The following RPS6KB2 variants were observed in gnomAD, a reference collection of about 807,000 sequenced individuals.
RPS6KB2 encodes the protein ribosomal protein S6 kinase B2, also known as ribosomal protein S6 kinase beta-2.
RPS6KB2 carries 51 observed loss-of-function variants against 58.2 expected under a neutral mutation model. The observed-to-expected ratio is 0.88, with a 90% CI of 0.70 to 1.11. The LOEUF is 1.11. Among genes scored for constraint, RPS6KB2 ranks in the 50% least tolerant of loss-of-function variants. The probability of loss-of-function intolerance (pLI) is 0.00; values close to 1 mark genes in which losing one functional copy is unlikely to be tolerated. For synonymous variants in RPS6KB2, 293 were observed against 258.6 expected, an observed-to-expected ratio of 1.13 and a Z score of -1.28; for missense variants, 671 against 655.8, an observed-to-expected ratio of 1.02 and a Z score of -0.25.
At position 67,434,528 on chromosome 11, in the gene RPS6KB2, G is replaced by A. The variant is rs752831127; in HGVS notation, c.1155+44G>A. Reference sequence around the variant, plus strand: ...GGCCTGTGGGACCAGGGCACGGATCGTGACTAAGGATGGCAGGCACTGAGT... The same window carrying A: ...GGCCTGTGGGACCAGGGCACGGATCATGACTAAGGATGGCAGGCACTGAGT... On this transcript the variant is annotated intron_variant, in intron 13 of 14. Coordinates refer to ENST00000312629, the MANE Select transcript of RPS6KB2 (RefSeq NM_003952.3). The A allele has an allele frequency of 1.5e-5, 24 of 1,600,212 alleles. No individual in the cohort carries two copies. In the East Asian group the frequency reaches 1.8e-4, roughly 12 times the overall value.
intron 11 of RPS6KB2, 44 bp from the exon 12 acceptor site, chr11:67,434,154 G>A (rs1864157530): frequency 6.2e-7 from 1 of 1,612,446 alleles, no homozygotes; most frequent in East Asian, 2.2e-5. Context: ...CGGGGGGCAA[G>A]CAGGGTGAGC....
rs762687497 is a variant in RPS6KB2 at position 67,434,427 on chromosome 11, G to T, written c.1098G>T (p.Thr366=). The part of the protein sequence containing the change: ...SQFDTRFTRQ[T]PVDSPDDTAL... ...TTGATACCCGCTTCACACGGCAGAC[G>T]CCGGTGGACAGTCCTGATGACACAG... The change falls in exon 13 of 15, where the codon ACG becomes ACT. Residue 366 remains threonine, a synonymous_variant. Coordinates refer to ENST00000312629, the MANE Select transcript of RPS6KB2 (RefSeq NM_003952.3). 1 of 1,613,104 alleles carries T rather than the reference G, an allele frequency of 6.2e-7. No homozygotes were observed. Among genetic ancestry groups the T allele is most frequent in the South Asian group, 1.1e-5 (1 of 91,090 alleles).
Position 67,433,031 on chromosome 11 carries a change from C to G in RPS6KB2, c.696C>G (p.Thr232=), listed in dbSNP as rs368735920. The G allele has an allele frequency of 1.1e-5, 17 of 1,613,332 alleles. No individual in the cohort carries two copies. In the African/African-American group the frequency reaches 2.0e-4, roughly 19 times the overall value. The stretch of plus-strand genomic sequence containing the variant: ...CCGTCACTCACACCTTCTGCGGCAC[C>G]ATTGAGTACATGTAAGTGGCACCTG... ...EGAVTHTFCG[T]IEYMAPEILV... The change falls in exon 8 of 15, where the codon ACC becomes ACG. Residue 232 remains threonine (T), a synonymous_variant. Transcript: ENST00000312629.
chr11:67,433,257 G>A (rs925452646), intron 9 of RPS6KB2, 41 bp downstream of exon 9: 5 of 1,605,702 alleles, frequency 3.1e-6, no homozygotes, highest in South Asian at 2.2e-5. Context: ...CAGGGGCAGA[G>A]GTGGGAGTAG....
At chr11:67,429,695 C>T in intron 4 of RPS6KB2, 100 bp downstream of exon 4, 1 of 988,514 alleles carries the variant, frequency 1.0e-6, no homozygotes, top group Non-Finnish European at 1.6e-6. Context: ...GGAGGAGGAT[C>T]CCTGACTTTG....
intron 1 of RPS6KB2, 78 bp from the exon 2 acceptor site, chr11:67,428,904 G>A: frequency 6.4e-7 from 1 of 1,555,902 alleles, no homozygotes; most frequent in Non-Finnish European, 8.9e-7. Context: ...TCTCTCCTGG[G>A]CCACGCAGTC....
chr11:67,433,281 G>A (rs1864107329), intron 9 of RPS6KB2, 59 bp from the exon 10 acceptor site: 4 of 1,605,598 alleles, frequency 2.5e-6, no homozygotes, highest in Non-Finnish European at 2.6e-6. Flanking sequence ...CCCTCCTGGG[G>A]CAAGGGCAGG....
chr11:67,434,841 C>G (rs1864210415), intron 14 of RPS6KB2, 147 bp downstream of exon 14: 2 of 997,662 alleles, frequency 2.0e-6, no homozygotes, highest in African/African-American at 3.2e-5. Context: ...TTCCTACACC[C>G]CTTGTGGCCA....
chr11:67,431,974 GT>G (rs1864036598), intron 5 of RPS6KB2: 1 of 271,736 alleles, frequency 3.7e-6, no homozygotes, highest in Non-Finnish European at 7.2e-6. Context: ...CTGCTTTCTA[GT>G]GTCTCCTCTG....
intron 5 of RPS6KB2, chr11:67,432,364 T>C: frequency 1.5e-6 from 1 of 686,558 alleles, no homozygotes. Flanking sequence ...AGACTGAGCG[T>C]CCTGAGGGCA....
intron 3 of RPS6KB2, 89 bp downstream of exon 3, chr11:67,429,329 G>C: frequency 6.5e-7 from 1 of 1,549,820 alleles, no homozygotes; most frequent in South Asian, 1.1e-5. Flanking sequence ...TTGTGAATCA[G>C]CAGGGCCTCT....
chr11:67,433,605 G>C (rs1333005047), intron 10 of RPS6KB2, among the ~76,000 whole-genome samples, 158 bp downstream of exon 10: 4 of 152,348 alleles, frequency 2.6e-5, no homozygotes, highest in African/African-American at 9.6e-5. Flanking sequence ...ATTGAGCCCA[G>C]GTCTCAGCCC....
At chr11:67,429,796 A>G (rs1863964849) in intron 4 of RPS6KB2, 1 of 581,284 alleles carries the variant, frequency 1.7e-6, no homozygotes, top group Non-Finnish European at 3.1e-6. Flanking sequence ...ACATTTGACA[A>G]CAGTGTCTGG....
In RPS6KB2 at chr11:67,428,988, T is replaced by G; in HGVS notation, c.85T>G (p.Cys29Gly). 1 of 1,613,762 alleles carries G rather than the reference T, an allele frequency of 6.2e-7. No individual in the cohort carries two copies. The highest frequency in any genetic ancestry group is 2.2e-5 in the East Asian group (1 of 44,838). Reference sequence around the variant, plus strand: ...ACCCCTCGGTTTCTCACAGGACGCATGTCCCCTTGCCGAGTTGAGGGCAGC... The same window carrying G: ...ACCCCTCGGTTTCTCACAGGACGCAGGTCCCCTTGCCGAGTTGAGGGCAGC... The part of the protein sequence containing the change: ...GEPELSPADA[C>G]PLAELRAAGL... The change falls in exon 2 of 15, where the codon TGT (cysteine) becomes GGT (glycine). Residue 29 changes from cysteine (C) to glycine (G), a missense_variant. By Grantham distance (159) the Cys-to-Gly change is radical. Coordinates refer to ENST00000312629, the MANE Select transcript of RPS6KB2 (RefSeq NM_003952.3).
intron 10 of RPS6KB2, among the ~76,000 whole-genome samples, chr11:67,433,695 A>G (rs1242726953): frequency 1.3e-5 from 2 of 152,210 alleles, no homozygotes; most frequent in African/African-American, 2.4e-5. Flanking sequence ...AGCTGGCCAC[A>G]CTTCCGTCAA....
chr11:67,429,532 C>T lies in RPS6KB2; in HGVS notation c.246C>T (p.Phe82=), dbSNP rs1414517205. The part of the protein sequence containing the change: ...VLGKGGYGKV[F]QVRKVQGTNL... ...CTGTCTCCCCTGCCCTACAGGTGTT[C>T]CAGGTGCGAAAGGTGCAAGGCACCA... Residue 82 remains phenylalanine, a synonymous_variant, in exon 4 of 15, where the codon TTC becomes TTT. Coordinates refer to ENST00000312629, the MANE Select transcript of RPS6KB2 (RefSeq NM_003952.3). 3 of 1,612,860 alleles carry T rather than the reference C, an allele frequency of 1.9e-6. No homozygotes were observed. The highest frequency in any genetic ancestry group is 1.7e-6 in the Non-Finnish European group (2 of 1,179,556).
At chr11:67,431,803 C>G (rs868065737) in intron 5 of RPS6KB2, 1 of 386,202 alleles carries the variant, frequency 2.6e-6, no homozygotes, top group South Asian at 2.7e-5. Flanking sequence ...CTTCCTACTC[C>G]CCTCCCTGTC....
In RPS6KB2 at chr11:67,428,984, C is replaced by T. The variant is rs369666279; in HGVS notation, c.81C>T (p.Asp27=). The T allele has an allele frequency of 1.5e-5, 25 of 1,613,804 alleles. No homozygotes were observed. The African/African-American group carries it at 3.1e-4, about 20-fold the overall frequency. The stretch of plus-strand genomic sequence containing the variant: ...TCTTACCCCTCGGTTTCTCACAGGA[C>T]GCATGTCCCCTTGCCGAGTTGAGGG... ...GEGEPELSPA[D]ACPLAELRAA... is the part of the protein sequence containing the mutation. The change falls in exon 2 of 15, where the codon GAC becomes GAT. Residue 27 remains aspartate, a splice_region_variant and synonymous_variant. Transcript: ENST00000312629.
intron 11 of RPS6KB2, 51 bp downstream of exon 11, chr11:67,434,108 G>T (rs964150557): frequency 6.2e-7 from 1 of 1,612,642 alleles, no homozygotes; most frequent in African/African-American, 1.3e-5. Context: ...AAGGGTGCCG[G>T]GAATGGGGGC....
Sources: allele counts gnomAD v4.1 joint callset (sites outside exome capture counted in the v4.1 genomes callset), GRCh38; gene constraint gnomAD v4.1.1; transcripts MANE v1.5; gene names NCBI Gene and HGNC (gene_info 2026-07-23, HGNC 2026-07-21).